Variants in CACNA1A observed in about 807,000 individuals in gnomAD.
CACNA1A encodes the protein voltage-dependent P/Q-type calcium channel subunit alpha-1A.
In CACNA1A, 57 loss-of-function variants were observed where a neutral mutation model predicts 262.4. The ratio of observed to expected loss-of-function variants is 0.22; its 90% CI spans 0.18 to 0.27. The LOEUF (loss-of-function observed/expected upper bound fraction) is 0.27. Ranked by LOEUF, CACNA1A falls within the 10% of genes least tolerant of loss-of-function variation. The pLI is 1.00. For missense variants in CACNA1A, 2,526 were observed against 3,562.8 expected (o/e 0.71, Z 7.41); for synonymous variants, 1,431 against 1,419.3 (o/e 1.01, Z -0.18).
chr19:13,384,233 T>G (rs2059570615), intron 3 of CACNA1A, among the ~76,000 whole-genome samples: 1 of 152,028 alleles, frequency 6.6e-6, no homozygotes, highest in Non-Finnish European at 1.5e-5. Context: ...TCAATAAATA[T>G]TGTGGTGGGT....
At chr19:13,342,007 C>T (rs1363372077) in intron 6 of CACNA1A, among the ~76,000 whole-genome samples, 1 of 152,158 alleles carries the variant, frequency 6.6e-6, no homozygotes, top group Non-Finnish European at 1.5e-5. Flanking sequence ...AGATCGTCAA[C>T]CCCAAGCCAA....
chr19:13,292,720 C>A (rs1264696479), intron 19 of CACNA1A, among the ~76,000 whole-genome samples: 1 of 152,178 alleles, frequency 6.6e-6, no homozygotes, highest in African/African-American at 2.4e-5. Context: ...CAAGGCAGAC[C>A]TCCGAAGGCC....
chr19:13,339,139 C>T (rs1481101871), intron 6 of CACNA1A, among the ~76,000 whole-genome samples: 2 of 152,174 alleles, frequency 1.3e-5, no homozygotes, highest in Non-Finnish European at 2.9e-5. Flanking sequence ...GCTGTAATTA[C>T]AGGCGTGAGC....
intron 1 of CACNA1A, among the ~76,000 whole-genome samples, chr19:13,488,989 A>ATTTCT (rs1191195955): frequency 2.5e-4 from 29 of 117,262 alleles, no homozygotes; most frequent in South Asian, 1.6e-3. Context: ...ATTGTAATTA[A>ATTTCT]TTTCTTTTCT....
intron 46 of CACNA1A, among the ~76,000 whole-genome samples, 170 bp downstream of exon 46, chr19:13,208,586 G>C (rs925372012): frequency 3.7e-4 from 57 of 152,070 alleles, no homozygotes; most frequent in African/African-American, 1.3e-3. Flanking sequence ...GTGGGGATCC[G>C]TGTCCGCTCC....
intron 4 of CACNA1A, among the ~76,000 whole-genome samples, chr19:13,369,139 C>T (rs1284800373): frequency 6.6e-6 from 1 of 151,988 alleles, no homozygotes; most frequent in African/African-American, 2.4e-5. Flanking sequence ...GCCAAGATCC[C>T]ATTTTCTTTC....
At chr19:13,439,204 G>T (rs996496263) in intron 3 of CACNA1A, among the ~76,000 whole-genome samples, 3 of 151,076 alleles carry the variant, frequency 2.0e-5, no homozygotes, top group Admixed American at 6.6e-5. Context: ...CGCCTCCCAG[G>T]TTCACGCCAT....
At chr19:13,225,056 C>T (rs2055385046) in intron 37 of CACNA1A, 3 of 352,468 alleles carry the variant, frequency 8.5e-6, no homozygotes, top group African/African-American at 4.2e-5. Context: ...TCAACCCTTG[C>T]CCCACCCCCG....
At chr19:13,252,941 C>A in intron 30 of CACNA1A, 50 bp downstream of exon 30, 1 of 1,260,896 alleles carries the variant, frequency 7.9e-7, no homozygotes, top group Non-Finnish European at 1.2e-6. Flanking sequence ...CCATTGTTCC[C>A]CCTTGGGCTT....
At chr19:13,262,012 T>G (rs376824496) in intron 25 of CACNA1A, 1 of 176,198 alleles carries the variant, frequency 5.7e-6, no homozygotes, top group East Asian at 1.5e-4. Context: ...CAGTTGTCAA[T>G]GCACAAAGCC....
chr19:13,431,295 G>A (rs4926160), intron 3 of CACNA1A, among the ~76,000 whole-genome samples: 11,311 of 151,980 alleles, frequency 0.074, 716 homozygotes, highest in East Asian at 0.21. Flanking sequence ...GGGCTGGACC[G>A]GGGTGGGGCT....
chr19:13,476,439 AC>A (rs1226648689), intron 1 of CACNA1A, among the ~76,000 whole-genome samples: 1 of 152,176 alleles, frequency 6.6e-6, no homozygotes, highest in Non-Finnish European at 1.5e-5. Flanking sequence ...ATGATATGCC[AC>A]CTGAGTACTT....
Position 13,207,930 on chromosome 19 carries a change from C to G in CACNA1A, c.6904G>C (p.Val2302Leu), listed in dbSNP as rs1262174856. 6.9e-6 allele frequency: 10 copies of G among 1,444,408 alleles called. No individual in the cohort carries two copies. The highest frequency in any genetic ancestry group is 9.1e-6 in the Non-Finnish European group (10 of 1,104,882). The allele number at this position is 1,444,408 out of a possible 1,614,324, so 89.5% of individuals were successfully genotyped here. The part of the protein sequence containing the change: ...TPRPHVSYSP[V>L]IRKAGGSGPP... ...CCCGAGCCGCCGGCCTTACGGATCA[C>G]AGGGGAATAGGACACGTGTGGCCGG... Residue 2302 changes from valine (V) to leucine (L), a missense_variant, in exon 47 of 47, where the codon GTG (valine) becomes CTG (leucine). Transcript: ENST00000360228. This position sits in a 1 kb window ranked among gnomAD's most constrained non-coding sequence, Gnocchi z 5.7.
At chr19:13,299,483 A>G in intron 18 of CACNA1A, 130 bp from the exon 19 acceptor site, 2 of 785,906 alleles carry the variant, frequency 2.5e-6, no homozygotes, top group Non-Finnish European at 4.3e-6. Flanking sequence ...ACTGAATGCT[A>G]GGAGTCTGTG....
intron 36 of CACNA1A, among the ~76,000 whole-genome samples, chr19:13,228,353 G>C (rs2055545378): frequency 6.6e-6 from 1 of 151,812 alleles, no homozygotes; most frequent in African/African-American, 2.4e-5. Flanking sequence ...GGGGGAGAGA[G>C]TGGAGGTGAT....
chr19:13,379,553 G>A (rs1319822429), intron 3 of CACNA1A, among the ~76,000 whole-genome samples: 2 of 152,074 alleles, frequency 1.3e-5, no homozygotes, highest in South Asian at 2.1e-4. Context: ...TGGGGCTGGC[G>A]GGATGAAGGG....
intron 11 of CACNA1A, among the ~76,000 whole-genome samples, chr19:13,314,703 T>C (rs2058092479): frequency 6.6e-6 from 1 of 152,222 alleles, no homozygotes; most frequent in South Asian, 2.1e-4. Context: ...TAATTTGTTA[T>C]AGCAGTACAA....
chr19:13,258,822 G>C (rs1013507322), intron 27 of CACNA1A: 2 of 152,024 alleles, frequency 1.3e-5, no homozygotes, highest in Non-Finnish European at 2.9e-5. Flanking sequence ...TGTTTTGGGT[G>C]CAAATTAAGG....
intron 3 of CACNA1A, among the ~76,000 whole-genome samples, chr19:13,402,855 TATACACAC>T (rs1396536820): frequency 1.4e-5 from 1 of 72,736 alleles, no homozygotes; most frequent in African/African-American, 6.3e-5. Flanking sequence ...CACATATATA[TATACACAC>T]ACACACACAC....
Sources: gnomAD v4.1 joint callset for allele counts (sites outside exome capture counted in the v4.1 genomes callset) on GRCh38, gnomAD v4.1.1 for gene constraint, Gnocchi (gnomAD v3.1) non-coding constraint, MANE v1.5 for transcripts, NCBI Gene and HGNC (gene_info 2026-07-23, HGNC 2026-07-21) for gene names.